KRT86: variants seen among roughly 807,000 people sequenced by gnomAD.
KRT86 encodes the protein keratin, type II cuticular Hb6.
Under a neutral mutation model 41.2 loss-of-function variants are expected in KRT86, and 30 were observed. That is an observed-to-expected ratio of 0.73 (90% confidence interval 0.54 to 0.99). KRT86 has a LOEUF of 0.99. KRT86 is among the 50% of genes least tolerant of loss of function. The pLI is 0.00. For synonymous variants in KRT86, 238 were observed against 238.1 expected (o/e 1.00, Z 0.00); for missense variants, 561 against 571.4 (o/e 0.98, Z 0.19).
chr12:52,288,023 G>A (rs1565741180), intron 2 of KRT86: 15 of 1,614,098 alleles, frequency 9.3e-6, no homozygotes, highest in African/African-American at 2.7e-5. Flanking sequence ...CCCGGCTGCG[G>A]GTGACAATGT....
chr12:52,282,505 G>C (rs1937799363), intron 2 of KRT86, among the ~76,000 whole-genome samples: 1 of 152,198 alleles, frequency 6.6e-6, no homozygotes, highest in South Asian at 2.1e-4. Context: ...CAAAGTGCTG[G>C]GATTACAGGC....
chr12:52,298,812 T>G (rs1938307995), intron 2 of KRT86, among the ~76,000 whole-genome samples: 1 of 152,180 alleles, frequency 6.6e-6, no homozygotes, highest in South Asian at 2.1e-4. Flanking sequence ...TTTATTTTAA[T>G]GTTTTCTTTT....
intron 2 of KRT86, chr12:52,286,475 C>T (rs762453725): frequency 2.6e-6 from 4 of 1,552,336 alleles, no homozygotes; most frequent in Non-Finnish European, 3.5e-6. Context: ...CACGACCCCG[C>T]CCCGGGAGCT....
At chr12:52,288,677 C>G (rs1938047732) in intron 2 of KRT86, among the ~76,000 whole-genome samples, 1 of 152,084 alleles carries the variant, frequency 6.6e-6, no homozygotes, top group Non-Finnish European at 1.5e-5. Flanking sequence ...GCCTTTCACC[C>G]CTCCTTGCCC....
At chr12:52,293,253 C>T (rs186526285) in intron 2 of KRT86, among the ~76,000 whole-genome samples, 3 of 152,292 alleles carry the variant, frequency 2.0e-5, no homozygotes, top group Admixed American at 6.5e-5. Flanking sequence ...CGTAAATGAT[C>T]TCTAATTCTC....
intron 2 of KRT86, chr12:52,286,875 A>C: frequency 6.2e-7 from 1 of 1,605,362 alleles, no homozygotes; most frequent in East Asian, 2.2e-5. Context: ...GAGTGGCTGA[A>C]AAAGCTCCCC....
chr12:52,308,829 T>C lies in KRT86; in HGVS notation c.*244T>C, dbSNP rs1938579754. 1.2e-5 allele frequency: 7 copies of C among 560,066 alleles called. 1 individual carries two copies. The East Asian group carries it at 2.1e-4, about 17-fold the overall frequency. The allele number at this position is 560,066 out of a possible 1,614,324, so 34.7% of individuals were successfully genotyped here. On this transcript the variant is annotated 3_prime_UTR_variant, in exon 11 of 11. Transcript: ENST00000423955. ...GGTAGTCAATTTGTTGTCCCGAGGA[T>C]TCATCTTTTTCTTCCGCCTGCCTTC... is the stretch of plus-strand genomic sequence containing the variant.
chr12:52,291,064 G>T lies in KRT86; in HGVS notation c.-4-10849G>T. 9.5e-6 allele frequency: 5 copies of T among 527,328 alleles called. No homozygotes were observed. The South Asian group carries it at 1.0e-4, about 11-fold the overall frequency. 32.7% of individuals were successfully genotyped at this position (527,328 alleles called of 1,614,324 possible). On this transcript the variant is annotated intron_variant, in intron 2 of 10. Coordinates refer to ENST00000423955, the MANE Select transcript of KRT86 (RefSeq NM_001320198.2). The stretch of plus-strand genomic sequence containing the variant: ...CCGGCCCTGGCTGTGTAGGTGGTGG[G>T]GGTTCAGGAAGGGTGTGATCCAGGA...
chr12:52,276,749 A>G (rs1262301011), intron 2 of KRT86, among the ~76,000 whole-genome samples: 2 of 152,184 alleles, frequency 1.3e-5, no homozygotes, highest in Non-Finnish European at 2.9e-5. Flanking sequence ...CTAGTCCTCC[A>G]GGATGTTTTC....
At position 52,308,268 on chromosome 12, in the gene KRT86, A is replaced by C; in HGVS notation, c.1279+4A>C. 6.2e-7 allele frequency: 1 copy of C among 1,614,158 alleles called. No individual in the cohort carries two copies. Among genetic ancestry groups the C allele is most frequent in the Non-Finnish European group, 8.5e-7 (1 of 1,180,034 alleles). On this transcript the variant is annotated splice_donor_region_variant and intron_variant, in intron 10 of 10. Transcript: ENST00000423955. ...GGCGTCGGCTCGGTGAATGTCTGTA[A>C]GTAGTGGGGTCCGTCCCCTCCTCCC...
chr12:52,298,881 A>G (rs1157547922), intron 2 of KRT86, among the ~76,000 whole-genome samples: 1 of 152,212 alleles, frequency 6.6e-6, no homozygotes, highest in Non-Finnish European at 1.5e-5. Flanking sequence ...TGAGATAAGC[A>G]TAAACTGTGT....
chr12:52,286,135 G>T (rs1937920193), intron 2 of KRT86: 1 of 821,848 alleles, frequency 1.2e-6, no homozygotes, highest in Non-Finnish European at 2.0e-6. Context: ...CCAGGAGTGG[G>T]AGGGGTCTTT....
rs1258701165 is a variant in KRT86, at chr12:52,305,245, C to A, written c.741C>A (p.Ile247=). ...DFLRRLYEEE[I]RVLQSHISDT... ...ACTGCCCTCACCTCCTGCAGGAGAT[C>A]CGCGTTCTCCAGTCCCACATCTCAG... The change falls in exon 7 of 11, where the codon ATC becomes ATA. Residue 247 remains isoleucine, a synonymous_variant. Coordinates refer to ENST00000423955, the MANE Select transcript of KRT86 (RefSeq NM_001320198.2). 1.4e-5 allele frequency: 23 copies of A among 1,614,224 alleles called. No homozygotes were observed. Among genetic ancestry groups the A allele is most frequent in the Non-Finnish European group, 1.9e-5 (23 of 1,180,046 alleles).
intron 2 of KRT86, chr12:52,286,474 G>T: frequency 6.4e-7 from 1 of 1,552,358 alleles, no homozygotes; most frequent in Non-Finnish European, 8.7e-7. Context: ...ACACGACCCC[G>T]CCCCGGGAGC....
intron 5 of KRT86, among the ~76,000 whole-genome samples, chr12:52,304,586 C>T (rs1024830283): frequency 4.6e-5 from 7 of 151,712 alleles, no homozygotes; most frequent in Admixed American, 2.6e-4. Flanking sequence ...CAGGAGTAGC[C>T]CTTGGGCTTT....
In KRT86 at chr12:52,305,764, T is replaced by C. The variant is rs2032360; in HGVS notation, c.1002T>C (p.Ala334=). The change falls in exon 8 of 11, where the codon GCT becomes GCC. Residue 334 remains alanine, a synonymous_variant. Transcript: ENST00000423955. ...ELNRMIQRLT[A]EVENAKCQNS... ...ACCGCATGATCCAGAGGCTGACGGC[T>C]GAGGTGGAGAATGCCAAGTGCCAGG... 503,282 of 1,433,830 alleles carry C rather than the reference T, an allele frequency of 0.35. 80,601 individuals carry two copies. Among genetic ancestry groups the C allele is most frequent in the African/African-American group, 0.6 (44,363 of 73,482 alleles). 88.8% of individuals were successfully genotyped at this position (1,433,830 alleles called of 1,614,324 possible). A position where few individuals can be genotyped will look rare whatever the true frequency, so the allele number is the denominator to read the frequency against.
At chr12:52,287,665 C>A in intron 2 of KRT86, 1 of 1,613,904 alleles carries the variant, frequency 6.2e-7, no homozygotes, top group Non-Finnish European at 8.5e-7. Context: ...TGATCTCCTC[C>A]TTGGTGCGGC....
At chr12:52,284,452 A>C (rs181005949) in intron 2 of KRT86, among the ~76,000 whole-genome samples, 3 of 152,234 alleles carry the variant, frequency 2.0e-5, no homozygotes, top group Admixed American at 6.5e-5. Flanking sequence ...GGCCTCCTAA[A>C]GTGTTGAGAT....
rs866829593 is a variant in KRT86 at position 52,304,474 on chromosome 12, A to T, written c.639+303A>T. The stretch of plus-strand genomic sequence containing the variant: ...AGGCCCCTGGAGCCATAGCAGATAC[A>T]ATGTCTCTGCTGAGAGACAGTGCAG... On this transcript the variant is annotated intron_variant, in intron 5 of 10. Transcript: ENST00000423955. Among the ~76,000 whole-genome samples the T allele has an allele frequency of 4.2e-3, 627 of 150,242 alleles. 2 individuals are homozygous for T. Among genetic ancestry groups the T allele is most frequent in the African/African-American group, 0.014 (588 of 40,974 alleles).
Sources: gnomAD v4.1 joint callset for allele counts (sites outside exome capture counted in the v4.1 genomes callset) on GRCh38, gnomAD v4.1.1 for gene constraint, MANE v1.5 for transcripts, NCBI Gene and HGNC (gene_info 2026-07-23, HGNC 2026-07-21) for gene names.